Variants in CAMKMT observed in about 807,000 individuals in gnomAD.
CAMKMT encodes CaM KMT.
Under a neutral mutation model 48.0 loss-of-function variants are expected in CAMKMT, and 53 were observed. The observed-to-expected ratio is 1.10, with a 90% CI of 0.89 to 1.39. The LOEUF is 1.39. Ranked by LOEUF, CAMKMT falls within the 40% of genes most tolerant of loss-of-function variation. CAMKMT has a pLI of 0.00. For missense variants in CAMKMT, 428 were observed against 402.7 expected (o/e 1.06, Z -0.54); for synonymous variants, 165 against 152.3 (o/e 1.08, Z -0.61).
intron 3 of CAMKMT, among the ~76,000 whole-genome samples, chr2:44,497,557 A>T (rs973942815): frequency 2.6e-5 from 4 of 152,172 alleles, no homozygotes; most frequent in Admixed American, 6.5e-5. Context: ...ATACACCTGA[A>T]AGTTACATAC....
intron 3 of CAMKMT, among the ~76,000 whole-genome samples, chr2:44,493,131 G>A (rs1194348621): frequency 6.6e-6 from 1 of 151,758 alleles, no homozygotes; most frequent in Non-Finnish European, 1.5e-5. Flanking sequence ...TCCTGACCTC[G>A]TGATCCACCC....
chr2:44,666,819 A>G (rs1205048030), intron 3 of CAMKMT, among the ~76,000 whole-genome samples: 1 of 152,170 alleles, frequency 6.6e-6, no homozygotes, highest in African/African-American at 2.4e-5. Context: ...CACGTTGGCC[A>G]GGATGGTCTT....
intron 3 of CAMKMT, among the ~76,000 whole-genome samples, chr2:44,501,450 G>T (rs370931116): frequency 2.0e-5 from 3 of 152,116 alleles, no homozygotes; most frequent in African/African-American, 7.2e-5. Flanking sequence ...TAAATGCTAC[G>T]TGTTTCTACT....
At chr2:44,744,165 G>A (rs960387800) in intron 8 of CAMKMT, among the ~76,000 whole-genome samples, 2 of 152,008 alleles carry the variant, frequency 1.3e-5, no homozygotes, top group African/African-American at 4.8e-5. Context: ...GAATATCTTT[G>A]GGGAAATAGC....
chr2:44,549,500 ATTAC>A, intron 3 of CAMKMT: 1 of 692,090 alleles, frequency 1.4e-6, no homozygotes, highest in Admixed American at 2.0e-5. Flanking sequence ...GAAAACCACA[ATTAC>A]TTTTGCACCA....
chr2:44,725,727 G>C (rs1678745299), intron 7 of CAMKMT, among the ~76,000 whole-genome samples: 1 of 152,208 alleles, frequency 6.6e-6, no homozygotes, highest in Non-Finnish European at 1.5e-5. Context: ...TAAATAGAGA[G>C]AGGCTAGAGG....
At chr2:44,720,387 G>T (rs1203095969) in intron 7 of CAMKMT, among the ~76,000 whole-genome samples, 1 of 152,150 alleles carries the variant, frequency 6.6e-6, no homozygotes, top group East Asian at 1.9e-4. Context: ...ATGCAAGTCA[G>T]ACTACTGTAT....
chr2:44,473,770 G>A (rs1668541798), intron 3 of CAMKMT, among the ~76,000 whole-genome samples: 2 of 152,166 alleles, frequency 1.3e-5, no homozygotes, highest in Admixed American at 1.3e-4. Flanking sequence ...AGTTAAAACA[G>A]TTTATGCGGT....
At chr2:44,680,213 G>C (rs1291337364) in intron 3 of CAMKMT, among the ~76,000 whole-genome samples, 1 of 152,168 alleles carries the variant, frequency 6.6e-6, no homozygotes, top group African/African-American at 2.4e-5. Context: ...ATTTCCTCCT[G>C]CAGTGTATGC....
Position 44,679,368 on chromosome 2 carries a change from T to G in CAMKMT, c.377-24915T>G, listed in dbSNP as rs891016338. On this transcript the variant is annotated intron_variant, in intron 3 of 10. Coordinates refer to ENST00000378494, the MANE Select transcript of CAMKMT (RefSeq NM_024766.5). ...TGCCCTCATTTTTTTCCACTCTGAT[T>G]ACTTGCCTCCGAGTGAAGGGTTCAA... Among the ~76,000 whole-genome samples the G allele has an allele frequency of 3.9e-5, 6 of 152,232 alleles. No individual in the cohort carries two copies. The South Asian group carries it at 6.2e-4, about 16-fold the overall frequency.
chr2:44,701,951 T>G (rs1677281821), intron 3 of CAMKMT, among the ~76,000 whole-genome samples: 1 of 152,134 alleles, frequency 6.6e-6, no homozygotes, highest in Non-Finnish European at 1.5e-5. Flanking sequence ...TATATCCTAG[T>G]GGTCACATTT....
In CAMKMT at chr2:44,614,936, C is replaced by CTTTTTTTTTTTTTTTTTTTTTTTTTTTT. The variant is rs3083440; in HGVS notation, c.377-89323_377-89322insTTTTTTTTTTTTTTTTTTTTTTTTTTTT. Among the ~76,000 whole-genome samples, 25 of 48,990 alleles carry CTTTTTTTTTTTTTTTTTTTTTTTTTTTT rather than the reference C, an allele frequency of 5.1e-4. 7 individuals carry two copies. Among genetic ancestry groups the CTTTTTTTTTTTTTTTTTTTTTTTTTTTT allele is most frequent in the African/African-American group, 9.3e-4 (9 of 9,642 alleles). The allele number at this position is 48,990 out of a possible 152,430, so 32.1% of individuals were successfully genotyped here. A position where few individuals can be genotyped will look rare whatever the true frequency, so the allele number is the denominator to read the frequency against. On this transcript the variant is annotated intron_variant, in intron 3 of 10. Coordinates refer to ENST00000378494, the MANE Select transcript of CAMKMT (RefSeq NM_024766.5). ...TCTAACCAGCTCTTTGGTCTCCTTG[C>CTTTTTTTTTTTTTTTTTTTTTTTTTTTT]TTTTTTTTTTTTTTTTTTTTTTTTG...
chr2:44,506,621 CTA>C (rs1045441176), intron 3 of CAMKMT, among the ~76,000 whole-genome samples: 84 of 152,204 alleles, frequency 5.5e-4, no homozygotes, highest in Non-Finnish European at 8.1e-4. Context: ...TAGGGGGACT[CTA>C]TGAATACAGA....
intron 3 of CAMKMT, among the ~76,000 whole-genome samples, chr2:44,473,620 G>T (rs906012800): frequency 7.2e-5 from 11 of 152,140 alleles, no homozygotes; most frequent in Admixed American, 3.9e-4. Flanking sequence ...ACTTTACTCT[G>T]TGTGGAATTT....
At chr2:44,645,289 G>C in intron 3 of CAMKMT, among the ~76,000 whole-genome samples, 1 of 152,208 alleles carries the variant, frequency 6.6e-6, no homozygotes, top group East Asian at 1.9e-4. Flanking sequence ...AGAGTTTTAA[G>C]ATGGCATATT....
intron 3 of CAMKMT, among the ~76,000 whole-genome samples, chr2:44,554,508 G>A (rs1667903377): frequency 6.6e-6 from 1 of 152,176 alleles, no homozygotes; most frequent in Non-Finnish European, 1.5e-5. Context: ...GGCCAAGACA[G>A]AAGGATTGTG....
intron 8 of CAMKMT, among the ~76,000 whole-genome samples, chr2:44,745,653 T>C (rs559673004): frequency 1.4e-4 from 22 of 152,206 alleles, no homozygotes; most frequent in East Asian, 7.7e-4. Context: ...TTTTTTTTTT[T>C]CCCCTGGGTG....
chr2:44,587,195 A>T (rs562944211), intron 3 of CAMKMT, among the ~76,000 whole-genome samples: 1 of 152,266 alleles, frequency 6.6e-6, no homozygotes, highest in Non-Finnish European at 1.5e-5. Flanking sequence ...GCAGATTCTG[A>T]TGAGAACTGC....
Position 44,766,435 on chromosome 2 carries a change from A to G in CAMKMT, c.768A>G (p.Lys256=). 1 of 1,614,114 alleles carries G rather than the reference A, an allele frequency of 6.2e-7. No individual in the cohort carries two copies. Among genetic ancestry groups the G allele is most frequent in the Non-Finnish European group, 8.5e-7 (1 of 1,180,004 alleles). The change falls in exon 10 of 11, where the codon AAA becomes AAG. Residue 256 remains lysine, a synonymous_variant. Transcript: ENST00000378494. ...TTTCCTTTTTACTGTTCTAGGGGAA[A>G]GCGATGGTATTTGCCCCACGCCGAG... ...AIKRLLQPRG[K]AMVFAPRRGN...
Sources: gnomAD v4.1 joint callset for allele counts (sites outside exome capture counted in the v4.1 genomes callset) on GRCh38, gnomAD v4.1.1 for gene constraint, MANE v1.5 for transcripts, NCBI Gene and HGNC (gene_info 2026-07-23, HGNC 2026-07-21) for gene names.